Variants in SOD3 observed in about 807,000 individuals in gnomAD.
SOD3 encodes superoxide dismutase 3.
SOD3 carries 3 observed loss-of-function variants against 2.6 expected under a neutral mutation model. The ratio of observed to expected loss-of-function variants is 1.13; its 90% confidence interval spans 0.52 to 2.93. The LOEUF (loss-of-function observed/expected upper bound fraction) is 2.93, where lower values mean the gene tolerates loss of function less well. SOD3 is among the 30% of genes most tolerant of loss of function. The probability of loss-of-function intolerance (pLI) is 0.04; values close to 1 mark genes in which losing one functional copy is unlikely to be tolerated. For missense variants in SOD3, 379 were observed against 370.4 expected (o/e 1.02, Z -0.19); for synonymous variants, 188 against 177.5 (o/e 1.06, Z -0.47).
chr4:24,800,294 C>A lies in SOD3; in HGVS notation c.*50C>A. The A allele has an allele frequency of 7.3e-7, 1 of 1,360,870 alleles. No individual in the cohort carries two copies. Among genetic ancestry groups the A allele is most frequent in the Non-Finnish European group, 9.5e-7 (1 of 1,056,670 alleles). The allele number at this position is 1,360,870 out of a possible 1,614,324, so 84.3% of individuals were successfully genotyped here. A position where few individuals can be genotyped will look rare whatever the true frequency, so the allele number is the denominator to read the frequency against. On this transcript the variant is annotated 3_prime_UTR_variant, in exon 2 of 2. Transcript: ENST00000382120. ...CAGGGACCCCCGAGGCCCCCCTCTG[C>A]CTTTGAGCTTCTCCTCTGCTCCAAC...
At chr4:24,797,621 C>T (rs1408672157) in intron 1 of SOD3, among the ~76,000 whole-genome samples, 1 of 152,182 alleles carries the variant, frequency 6.6e-6, no homozygotes, top group Non-Finnish European at 1.5e-5. Context: ...CCAGCAATTA[C>T]TCTGCTACTC....
In SOD3 at chr4:24,800,131, C is replaced by T. The variant is rs1577363684; in HGVS notation, c.610C>T (p.Arg204Trp). Residue 204 changes from arginine to tryptophan, a missense_variant, in exon 2 of 2, where the codon CGG becomes TGG. By Grantham distance (101) the Arg-to-Trp change is moderately radical (BLOSUM62 -3). Transcript: ENST00000382120. Reference protein sequence around the residue: ...ASVENGNAGRRLACCVVGVCG... With the variant: ...ASVENGNAGRWLACCVVGVCG... ...CGTGGAGAACGGGAACGCGGGCCGG[C>T]GGCTGGCCTGCTGCGTGGTGGGCGT... 7.3e-7 allele frequency: 1 copy of T among 1,378,128 alleles called. No homozygotes were observed. The highest frequency in any genetic ancestry group is 9.3e-7 in the Non-Finnish European group (1 of 1,076,366). The allele number at this position is 1,378,128 out of a possible 1,614,324, so 85.4% of individuals were successfully genotyped here. A position where few individuals can be genotyped will look rare whatever the true frequency, so the allele number is the denominator to read the frequency against.
rs1419425391 is a variant in SOD3 at position 24,799,739 on chromosome 4, C to T, written c.218C>T (p.Ala73Val). ...GTGCAGCCGTCGGCCACGCTGGACG[C>T]CGCGCAGCCCCGGGTGACCGGCGTC... ...CQVQPSATLD[A>V]AQPRVTGVVL... is the part of the protein sequence containing the mutation. Residue 73 changes from alanine (A) to valine (V), a missense_variant, in exon 2 of 2, where the codon GCC (alanine) becomes GTC (valine). Transcript: ENST00000382120. 8 of 1,560,708 alleles carry T rather than the reference C, an allele frequency of 5.1e-6. No homozygotes were observed. Among genetic ancestry groups the T allele is most frequent in the Non-Finnish European group, 6.9e-6 (8 of 1,158,886 alleles).
At chr4:24,798,847 C>T (rs1490227493) in intron 1 of SOD3, among the ~76,000 whole-genome samples, 1 of 152,146 alleles carries the variant, frequency 6.6e-6, no homozygotes, top group Non-Finnish European at 1.5e-5. Context: ...CAGCACAGGC[C>T]CCATCTTCAA....
chr4:24,800,022 C>A lies in SOD3; in HGVS notation c.501C>A (p.Leu167=). 1 of 1,534,026 alleles carries A rather than the reference C, an allele frequency of 6.5e-7. No homozygotes were observed. The highest frequency in any genetic ancestry group is 8.7e-7 in the Non-Finnish European group (1 of 1,149,518). The change falls in exon 2 of 2, where the codon CTC becomes CTA. Residue 167 remains leucine, a synonymous_variant. Transcript: ENST00000382120. ...WRYRAGLAAS[L]AGPHSIVGRA... ...ACCGCGCCGGCCTGGCCGCCTCGCT[C>A]GCGGGCCCGCACTCCATCGTGGGCC...
In SOD3 at chr4:24,800,327, C is replaced by G. The variant is rs2695232; in HGVS notation, c.*83C>G. ...CTTCTCCTCTGCTCCAACAGACACC[C>G]TCCACTCTGAGGTCTCACCTTCGCC... On this transcript the variant is annotated 3_prime_UTR_variant, in exon 2 of 2. Transcript: ENST00000382120. 1 of 1,271,968 alleles carries G rather than the reference C, an allele frequency of 7.9e-7. No homozygotes were observed. The highest frequency in any genetic ancestry group is 1.0e-6 in the Non-Finnish European group (1 of 989,010). 78.8% of individuals were successfully genotyped at this position (1,271,968 alleles called of 1,614,324 possible).
rs1218291290 is a variant in SOD3, at chr4:24,800,355, T to C, written c.*111T>C. On this transcript the variant is annotated 3_prime_UTR_variant, in exon 2 of 2. Coordinates refer to ENST00000382120, the MANE Select transcript of SOD3 (RefSeq NM_003102.4). ...CACTCTGAGGTCTCACCTTCGCCTT[T>C]GCTGAAGTCTCCCCGCAGCCCTCTC... is the stretch of plus-strand genomic sequence containing the variant. 3 of 1,109,676 alleles carry C rather than the reference T, an allele frequency of 2.7e-6. No homozygotes were observed. Among genetic ancestry groups the C allele is most frequent in the African/African-American group, 1.6e-5 (1 of 60,830 alleles). 68.7% of individuals were successfully genotyped at this position (1,109,676 alleles called of 1,614,324 possible). A position where few individuals can be genotyped will look rare whatever the true frequency, so the allele number is the denominator to read the frequency against.
Position 24,800,167 on chromosome 4 carries a change from G to T in SOD3, c.646G>T (p.Gly216Trp). ...ACCVVGVCGPGLWERQAREHS... is the reference protein window; with the variant it reads ...ACCVVGVCGPWLWERQAREHS... Reference sequence around the variant, plus strand: ...CTGCGTGGTGGGCGTGTGCGGGCCCGGGCTCTGGGAGCGCCAGGCGCGGGA... The same window carrying T: ...CTGCGTGGTGGGCGTGTGCGGGCCCTGGCTCTGGGAGCGCCAGGCGCGGGA... The change falls in exon 2 of 2, where the codon GGG becomes TGG. Residue 216 changes from glycine (G) to tryptophan (W), a missense_variant. By Grantham distance (184) the Gly-to-Trp change is radical. Coordinates refer to ENST00000382120, the MANE Select transcript of SOD3 (RefSeq NM_003102.4). 1 of 1,416,990 alleles carries T rather than the reference G, an allele frequency of 7.1e-7. No homozygotes were observed. Among genetic ancestry groups the T allele is most frequent in the Admixed American group, 3.1e-5 (1 of 32,278 alleles). 87.8% of individuals were successfully genotyped at this position (1,416,990 alleles called of 1,614,324 possible).
chr4:24,799,774 C>T lies in SOD3; in HGVS notation c.253C>T (p.Arg85Trp), dbSNP rs1352470774. 8.3e-6 allele frequency: 13 copies of T among 1,574,318 alleles called. No homozygotes were observed. In the Admixed American group the frequency reaches 2.0e-4, roughly 24 times the overall value. ...CCGGGTGACCGGCGTCGTCCTCTTC[C>T]GGCAGCTTGCGCCCCGCGCCAAGCT... ...QPRVTGVVLFRQLAPRAKLDA... is the reference protein window; with the variant it reads ...QPRVTGVVLFWQLAPRAKLDA... Residue 85 changes from arginine (R) to tryptophan (W), a missense_variant, in exon 2 of 2, where the codon CGG becomes TGG. By Grantham distance (101) the Arg-to-Trp change is moderately radical. Coordinates refer to ENST00000382120, the MANE Select transcript of SOD3 (RefSeq NM_003102.4).
At chr4:24,798,319 C>G (rs1266709217) in intron 1 of SOD3, among the ~76,000 whole-genome samples, 1 of 152,128 alleles carries the variant, frequency 6.6e-6, no homozygotes, top group Non-Finnish European at 1.5e-5. Flanking sequence ...AACTAATCCT[C>G]TCTCCCTGCT....
rs1416283264 is a variant in SOD3, at chr4:24,799,541, C to G, written c.20C>G (p.Ser7Cys). 3.1e-6 allele frequency: 5 copies of G among 1,600,220 alleles called. No homozygotes were observed. Among genetic ancestry groups the G allele is most frequent in the Non-Finnish European group, 4.2e-6 (5 of 1,179,212 alleles). ...CCAGCCATGCTGGCGCTACTGTGTT[C>G]CTGCCTGCTCCTGGCAGCCGGTGCC... The part of the protein sequence containing the change: MLALLC[S>C]CLLLAAGASD... Residue 7 changes from serine to cysteine, a missense_variant, in exon 2 of 2, where the codon TCC becomes TGC. Coordinates refer to ENST00000382120, the MANE Select transcript of SOD3 (RefSeq NM_003102.4).
intron 1 of SOD3, among the ~76,000 whole-genome samples, chr4:24,798,642 G>A (rs1713742373): frequency 6.6e-6 from 1 of 152,108 alleles, no homozygotes; most frequent in African/African-American, 2.4e-5. Context: ...TAGGACTTAA[G>A]GAACTAAAGA....
chr4:24,796,260 C>T (rs1358345994), intron 1 of SOD3, among the ~76,000 whole-genome samples: 1 of 151,646 alleles, frequency 6.6e-6, no homozygotes, highest in Non-Finnish European at 1.5e-5. Flanking sequence ...AAAGGAGGCC[C>T]TTAAAAAGGC....
chr4:24,797,441 G>A (rs1013345597), intron 1 of SOD3, among the ~76,000 whole-genome samples: 4 of 152,172 alleles, frequency 2.6e-5, no homozygotes, highest in African/African-American at 4.8e-5. Context: ...ATTAACCCAC[G>A]CACAGTACTT....
chr4:24,800,053 G>T lies in SOD3; in HGVS notation c.532G>T (p.Val178Leu), dbSNP rs1239922043. The T allele has an allele frequency of 6.8e-7, 1 of 1,466,530 alleles. No homozygotes were observed. The highest frequency in any genetic ancestry group is 8.9e-7 in the Non-Finnish European group (1 of 1,120,270). 90.8% of individuals were successfully genotyped at this position (1,466,530 alleles called of 1,614,324 possible). A position where few individuals can be genotyped will look rare whatever the true frequency, so the allele number is the denominator to read the frequency against. ...CCCGCACTCCATCGTGGGCCGGGCC[G>T]TGGTCGTCCACGCTGGCGAGGACGA... ...AGPHSIVGRA[V>L]VVHAGEDDLG... The change falls in exon 2 of 2, where the codon GTG becomes TTG. Residue 178 changes from valine (V) to leucine (L), a missense_variant. Val to Leu is a conservative substitution (Grantham distance 32). Transcript: ENST00000382120.
Position 24,800,168 on chromosome 4 carries a change from G to A in SOD3, c.647G>A (p.Gly216Glu). 1 of 1,418,696 alleles carries A rather than the reference G, an allele frequency of 7.0e-7. No homozygotes were observed. Among genetic ancestry groups the A allele is most frequent in the Non-Finnish European group, 9.1e-7 (1 of 1,094,468 alleles). The allele number at this position is 1,418,696 out of a possible 1,614,324, so 87.9% of individuals were successfully genotyped here. A position where few individuals can be genotyped will look rare whatever the true frequency, so the allele number is the denominator to read the frequency against. ...TGCGTGGTGGGCGTGTGCGGGCCCG[G>A]GCTCTGGGAGCGCCAGGCGCGGGAG... is the stretch of plus-strand genomic sequence containing the variant. ...ACCVVGVCGP[G>E]LWERQAREHS... Residue 216 changes from glycine (G) to glutamate (E), a missense_variant, in exon 2 of 2, where the codon GGG (glycine) becomes GAG (glutamate). Transcript: ENST00000382120.
At chr4:24,796,978 C>T (rs144188827) in intron 1 of SOD3, among the ~76,000 whole-genome samples, 1,522 of 152,194 alleles carry the variant, frequency 0.01, 9 homozygotes, top group Non-Finnish European at 0.016. Context: ...AGAGTTACCC[C>T]ACTTTCCTGC....
intron 1 of SOD3, among the ~76,000 whole-genome samples, chr4:24,797,976 T>C (rs924331748): frequency 3.3e-5 from 5 of 152,198 alleles, no homozygotes; most frequent in African/African-American, 1.2e-4. Context: ...GGGATTCAAA[T>C]CTGTACCTGA....
chr4:24,800,293 G>A lies in SOD3; in HGVS notation c.*49G>A, dbSNP rs1713852660. ...CCAGGGACCCCCGAGGCCCCCCTCT[G>A]CCTTTGAGCTTCTCCTCTGCTCCAA... On this transcript the variant is annotated 3_prime_UTR_variant, in exon 2 of 2. Transcript: ENST00000382120. 1 of 1,361,234 alleles carries A rather than the reference G, an allele frequency of 7.3e-7. No homozygotes were observed. The highest frequency in any genetic ancestry group is 9.5e-7 in the Non-Finnish European group (1 of 1,057,206). The allele number at this position is 1,361,234 out of a possible 1,614,324, so 84.3% of individuals were successfully genotyped here.
Sources: gnomAD v4.1 joint callset for allele counts (sites outside exome capture counted in the v4.1 genomes callset) on GRCh38, gnomAD v4.1.1 for gene constraint, MANE v1.5 for transcripts, NCBI Gene and HGNC (gene_info 2026-07-23, HGNC 2026-07-21) for gene names.